Variants in C2orf80 observed in about 807,000 individuals in gnomAD.
C2orf80 encodes uncharacterized protein C2orf80.
C2orf80 carries 28 observed loss-of-function variants against 30.2 expected under a neutral mutation model. That is an observed-to-expected ratio of 0.93 (90% CI 0.69 to 1.27). C2orf80 has a LOEUF of 1.27. Among genes scored for constraint, C2orf80 ranks in the 50% most tolerant of loss-of-function variants. The pLI is 0.00. For missense variants in C2orf80, 220 were observed against 231.0 expected (o/e 0.95, Z 0.31); for synonymous variants, 80 against 76.4 (o/e 1.05, Z -0.24).
At chr2:208,181,104 A>T in intron 5 of C2orf80, 114 bp downstream of exon 5, 1 of 792,638 alleles carries the variant, frequency 1.3e-6, no homozygotes, top group Non-Finnish European at 2.0e-6. Context: ...ACTATCAATA[A>T]CTCCTAAACA....
chr2:208,177,447 A>G (rs956917727), intron 6 of C2orf80, among the ~76,000 whole-genome samples: 6 of 152,118 alleles, frequency 3.9e-5, no homozygotes, highest in Non-Finnish European at 8.8e-5. Flanking sequence ...AGGCTGAGGC[A>G]GGAGAATCAC....
chr2:208,168,113 T>C (rs561319888), intron 8 of C2orf80, among the ~76,000 whole-genome samples: 58 of 152,262 alleles, frequency 3.8e-4, no homozygotes, highest in Non-Finnish European at 5.7e-4. Flanking sequence ...TTTTCATCCA[T>C]TTAATAAAAT....
chr2:208,183,157 C>A, intron 3 of C2orf80, 110 bp from the exon 4 acceptor site: 5 of 774,370 alleles, frequency 6.5e-6, no homozygotes, highest in Non-Finnish European at 1.1e-5. Context: ...CTGTCATGTC[C>A]AAAATGGGAA....
intron 8 of C2orf80, among the ~76,000 whole-genome samples, chr2:208,169,120 T>C (rs1373671933): frequency 6.6e-6 from 1 of 152,052 alleles, no homozygotes; most frequent in Non-Finnish European, 1.5e-5. Context: ...TGGAACAAAA[T>C]TATATTTAAA....
Position 208,172,078 on chromosome 2 carries a change from G to A in C2orf80, c.367-3C>T, listed in dbSNP as rs775507103. 3.4e-5 allele frequency: 54 copies of A among 1,608,596 alleles called. No homozygotes were observed. The highest frequency in any genetic ancestry group is 1.8e-4 in the Admixed American group (11 of 59,974). On this transcript the variant is annotated splice_region_variant and splice_polypyrimidine_tract_variant and intron_variant, in intron 6 of 8. Transcript: ENST00000341287. ...CAGAGAGATGAAACTCGGGGAACCT[G>A]AAAGGAAAACAGTCCTACTTTTAAA...
rs1446177965 is a variant in C2orf80 at position 208,189,921 on chromosome 2, T to C, written c.-76+32A>G. ...TCGGGCTGTTCTATTAAGTGCCTGCTCTTAACAAATTCCCCTTTGAGAATC... is the reference window on the plus strand; with the variant it reads ...TCGGGCTGTTCTATTAAGTGCCTGCCCTTAACAAATTCCCCTTTGAGAATC... On this transcript the variant is annotated intron_variant, in intron 1 of 8. Transcript: ENST00000341287. 4.3e-6 allele frequency: 3 copies of C among 702,958 alleles called. No homozygotes were observed. The East Asian group carries it at 8.0e-5, about 19-fold the overall frequency. 43.5% of individuals were successfully genotyped at this position (702,958 alleles called of 1,614,324 possible). A position where few individuals can be genotyped will look rare whatever the true frequency, so the allele number is the denominator to read the frequency against.
chr2:208,167,073 T>C (rs1695919335), intron 8 of C2orf80, among the ~76,000 whole-genome samples: 1 of 152,200 alleles, frequency 6.6e-6, no homozygotes, highest in South Asian at 2.1e-4. Flanking sequence ...AGAGATTAGG[T>C]AACTCACTCA....
chr2:208,188,932 C>T (rs1310781619), intron 1 of C2orf80, among the ~76,000 whole-genome samples: 2 of 152,098 alleles, frequency 1.3e-5, no homozygotes, highest in African/African-American at 4.8e-5. Flanking sequence ...ATAGAGGTGG[C>T]CCTATTGCCT....
At chr2:208,180,317 G>A (rs1696512698) in intron 6 of C2orf80, among the ~76,000 whole-genome samples, 1 of 151,918 alleles carries the variant, frequency 6.6e-6, no homozygotes, top group African/African-American at 2.4e-5. Flanking sequence ...CGGGTGTGGT[G>A]GTGCATGCCT....
chr2:208,171,946 T>G, intron 7 of C2orf80, 42 bp downstream of exon 7: 2 of 1,513,416 alleles, frequency 1.3e-6, no homozygotes, highest in Non-Finnish European at 1.8e-6. Context: ...TTTCCTAGTT[T>G]GACTTACATT....
chr2:208,183,190 G>A (rs1696615156), intron 3 of C2orf80, 143 bp from the exon 4 acceptor site: 1 of 532,116 alleles, frequency 1.9e-6, no homozygotes, highest in Non-Finnish European at 3.2e-6. Context: ...TTAATAACCT[G>A]ATGCTCGGCC....
At chr2:208,173,686 A>G (rs138770474) in intron 6 of C2orf80, among the ~76,000 whole-genome samples, 33 of 152,288 alleles carry the variant, frequency 2.2e-4, no homozygotes, top group African/African-American at 7.9e-4. Flanking sequence ...TAAACAATAT[A>G]TAGATTAGAA....
Position 208,188,085 on chromosome 2 carries a change from C to CGTGTGTGTGT in C2orf80, c.-75-1034_-75-1025dup, listed in dbSNP as rs139478315. On this transcript the variant is annotated intron_variant, in intron 1 of 8. Transcript: ENST00000341287. ...AGAGATGGTTAAGCCTATACTGCAC[C>CGTGTGTGTGT]GTGTGTGTGTGTGTGTGTGTGTGTG... is the stretch of plus-strand genomic sequence containing the variant. Among the ~76,000 whole-genome samples, 42 of 144,218 alleles carry CGTGTGTGTGT rather than the reference C, an allele frequency of 2.9e-4. 1 individual carries two copies. Among genetic ancestry groups the CGTGTGTGTGT allele is most frequent in the Admixed American group, 1.4e-3 (20 of 14,252 alleles). 94.6% of individuals were successfully genotyped at this position (144,218 alleles called of 152,430 possible). A position where few individuals can be genotyped will look rare whatever the true frequency, so the allele number is the denominator to read the frequency against.
At chr2:208,168,288 C>T (rs1695967573) in intron 8 of C2orf80, 2 of 237,846 alleles carry the variant, frequency 8.4e-6, no homozygotes, top group Non-Finnish European at 1.7e-5. Context: ...AGTTCTTTTG[C>T]TTTTCATTTT....
At chr2:208,189,686 C>G (rs1198202584) in intron 1 of C2orf80, among the ~76,000 whole-genome samples, 1 of 152,174 alleles carries the variant, frequency 6.6e-6, no homozygotes, top group Non-Finnish European at 1.5e-5. Context: ...CTAAAGAAAA[C>G]AAGACCGCTG....
At chr2:208,176,963 A>ATC (rs1308794551) in intron 6 of C2orf80, among the ~76,000 whole-genome samples, 676 of 36,072 alleles carry the variant, frequency 0.019, 98 homozygotes, top group East Asian at 0.051. Flanking sequence ...CTGTATACAT[A>ATC]TGTATACATA....
intron 6 of C2orf80, among the ~76,000 whole-genome samples, chr2:208,176,749 AATT>A (rs1324199255): frequency 2.0e-5 from 3 of 151,650 alleles, no homozygotes; most frequent in Non-Finnish European, 4.4e-5. Context: ...ATTTGCCCAG[AATT>A]ATTCTGCTTG....
intron 6 of C2orf80, among the ~76,000 whole-genome samples, chr2:208,176,986 T>TGTATACATATCTGTATAC (rs1696364704): frequency 1.4e-5 from 1 of 73,756 alleles, no homozygotes; most frequent in Non-Finnish European, 2.8e-5. Context: ...TACAGAAATG[T>TGTATACATATCTGTATAC]ATATGTATAC....
chr2:208,184,843 G>T, intron 3 of C2orf80, 108 bp downstream of exon 3: 1 of 777,788 alleles, frequency 1.3e-6, no homozygotes, highest in Non-Finnish European at 2.1e-6. Flanking sequence ...ACATTTGGGG[G>T]ATGGGTGTCA....
Sources: gnomAD v4.1 joint callset for allele counts (sites outside exome capture counted in the v4.1 genomes callset) on GRCh38, gnomAD v4.1.1 for gene constraint, MANE v1.5 for transcripts, NCBI Gene and HGNC (gene_info 2026-07-23, HGNC 2026-07-21) for gene names.